JAKMIP1: variants seen among roughly 807,000 people sequenced by gnomAD.
JAKMIP1 encodes the protein janus kinase and microtubule interacting protein 1, also known as janus kinase and microtubule-interacting protein 1.
JAKMIP1 carries 33 observed loss-of-function variants against 113.0 expected under a neutral mutation model. The ratio of observed to expected loss-of-function variants is 0.29; its 90% CI spans 0.22 to 0.39. JAKMIP1 has a LOEUF of 0.39. Ranked by LOEUF, JAKMIP1 falls within the 10% of genes least tolerant of loss-of-function variation. The pLI is 1.00. For synonymous variants in JAKMIP1, 480 were observed against 459.9 expected (o/e 1.04, Z -0.56); for missense variants, 813 against 1,080.5 (o/e 0.75, Z 3.47).
chr4:6,177,988 T>C (rs2109034972), intron 1 of JAKMIP1, among the ~76,000 whole-genome samples: 1 of 152,310 alleles, frequency 6.6e-6, no homozygotes, highest in Non-Finnish European at 1.5e-5. Context: ...TGCATCCGGC[T>C]TCACTTCCGG....
intron 1 of JAKMIP1, among the ~76,000 whole-genome samples, chr4:6,182,614 G>C (rs750143771): frequency 2.6e-5 from 4 of 152,154 alleles, no homozygotes; most frequent in Non-Finnish European, 4.4e-5. Flanking sequence ...AGAACGGTGA[G>C]AAATAAGCTT....
intron 18 of JAKMIP1, among the ~76,000 whole-genome samples, chr4:6,037,835 G>A (rs1206232075): frequency 2.7e-5 from 4 of 150,142 alleles, no homozygotes; most frequent in South Asian, 2.1e-4. Context: ...CTCCATCACC[G>A]AGGCAGAGGC....
chr4:6,079,154 G>A (rs1408559983), intron 7 of JAKMIP1, among the ~76,000 whole-genome samples, 156 bp from the exon 8 acceptor site: 1 of 152,246 alleles, frequency 6.6e-6, no homozygotes, highest in Non-Finnish European at 1.5e-5. Flanking sequence ...TCTGAACTGA[G>A]AGCTACAGGG....
In JAKMIP1 at chr4:6,155,753, G is replaced by C. The variant is rs1722155818; in HGVS notation, c.-147-42756C>G. 6.6e-6 allele frequency among the ~76,000 whole-genome samples: 1 copy of C among 152,186 alleles called. No individual in the cohort carries two copies. The highest frequency in any genetic ancestry group is 2.4e-5 in the African/African-American group (1 of 41,448). ...AACGGGATATTATAGTGTCCTTTAA[G>C]CTGAAGCTCTATCATCTCAAATTTT... On this transcript the variant is annotated intron_variant, in intron 1 of 20. Transcript: ENST00000409021. The surrounding 1 kb of genome is among the most constrained non-coding windows in gnomAD (Gnocchi z 6.1).
intron 1 of JAKMIP1, among the ~76,000 whole-genome samples, chr4:6,182,034 C>T (rs1158992650): frequency 6.6e-6 from 1 of 151,984 alleles, no homozygotes; most frequent in African/African-American, 2.4e-5. Context: ...TGTTTATGTC[C>T]CCCCAAATTG....
In JAKMIP1 at chr4:6,086,761, G is replaced by A. The variant is rs1254691983; in HGVS notation, c.625-1132C>T. Among the ~76,000 whole-genome samples, 1 of 152,080 alleles carries A rather than the reference G, an allele frequency of 6.6e-6. No individual in the cohort carries two copies. Among genetic ancestry groups the A allele is most frequent in the African/African-American group, 2.4e-5 (1 of 41,422 alleles). ...CTGCAGGTGCAATTAGTTAAGATGA[G>A]GTCATCCTGGAGCAGGGTGGGCCCT... is the stretch of plus-strand genomic sequence containing the variant. On this transcript the variant is annotated intron_variant, in intron 3 of 20. Transcript: ENST00000409021. This position sits in a 1 kb window ranked among gnomAD's most constrained non-coding sequence, Gnocchi z 4.1.
chr4:6,122,119 C>T (rs984490381), intron 1 of JAKMIP1, among the ~76,000 whole-genome samples: 1 of 152,046 alleles, frequency 6.6e-6, no homozygotes, highest in Non-Finnish European at 1.5e-5. Flanking sequence ...CCGAGGCGGG[C>T]GGATCTCTTG....
At chr4:6,111,492 TG>T (rs775388985) in intron 2 of JAKMIP1, among the ~76,000 whole-genome samples, 13 of 152,232 alleles carry the variant, frequency 8.5e-5, no homozygotes, top group Non-Finnish European at 1.5e-5. Context: ...CAGATGTTGA[TG>T]GGGCTTTTTA....
rs1430831015 is a variant in JAKMIP1, at chr4:6,157,350, C to T, written c.-148+42903G>A. ...AGGCGCACGGGATGGGAAGCTGGCG[C>T]ACAACACAGGGTTGTCCCAAGAACC... On this transcript the variant is annotated intron_variant, in intron 1 of 20. Coordinates refer to ENST00000409021, the MANE Select transcript of JAKMIP1 (RefSeq NM_001099433.2). This position sits in a 1 kb window ranked among gnomAD's most constrained non-coding sequence, Gnocchi z 4.7. Among the ~76,000 whole-genome samples the T allele has an allele frequency of 1.3e-5, 2 of 152,130 alleles. No individual in the cohort carries two copies. Among genetic ancestry groups the T allele is most frequent in the Non-Finnish European group, 2.9e-5 (2 of 68,028 alleles).
Position 6,140,630 on chromosome 4 carries a change from T to G in JAKMIP1, c.-147-27633A>C, listed in dbSNP as rs1215977854. ...GCTCCTGGAGGGGTGGAGAAATACA[T>G]GATTTTGTTTATCTCCTTTTGATCT... On this transcript the variant is annotated intron_variant, in intron 1 of 20. Coordinates refer to ENST00000409021, the MANE Select transcript of JAKMIP1 (RefSeq NM_001099433.2). This position sits in a 1 kb window ranked among gnomAD's most constrained non-coding sequence, Gnocchi z 9.4. 6.6e-6 allele frequency among the ~76,000 whole-genome samples: 1 copy of G among 152,122 alleles called. No individual in the cohort carries two copies. Among genetic ancestry groups the G allele is most frequent in the East Asian group, 1.9e-4 (1 of 5,196 alleles).
At chr4:6,036,217 G>A in intron 18 of JAKMIP1, 110 bp from the exon 19 acceptor site, 1 of 862,242 alleles carries the variant, frequency 1.2e-6, no homozygotes, top group African/African-American at 1.7e-5. Flanking sequence ...TTTCGGGCAG[G>A]GAGGGGCAAC....
Position 6,186,385 on chromosome 4 carries a change from G to A in JAKMIP1, c.-148+13868C>T, listed in dbSNP as rs987065019. Among the ~76,000 whole-genome samples, 2 of 152,190 alleles carry A rather than the reference G, an allele frequency of 1.3e-5. No homozygotes were observed. Among genetic ancestry groups the A allele is most frequent in the African/African-American group, 4.8e-5 (2 of 41,442 alleles). ...TTTGCAAAGGCAAGTGAAGGGGCAA[G>A]CAGGAGTGATGGAGGATGAGACAGG... is the stretch of plus-strand genomic sequence containing the variant. On this transcript the variant is annotated intron_variant, in intron 1 of 20. Coordinates refer to ENST00000409021, the MANE Select transcript of JAKMIP1 (RefSeq NM_001099433.2). This position sits in a 1 kb window ranked among gnomAD's most constrained non-coding sequence, Gnocchi z 5.5.
chr4:6,079,982 A>C (rs750529790), intron 7 of JAKMIP1, among the ~76,000 whole-genome samples, 190 bp downstream of exon 7: 19 of 152,224 alleles, frequency 1.2e-4, no homozygotes, highest in Non-Finnish European at 2.8e-4. Context: ...ATTTAAGCCA[A>C]GGCTGCTTAG....
chr4:6,180,218 A>G lies in JAKMIP1; in HGVS notation c.-148+20035T>C, dbSNP rs866307515. Among the ~76,000 whole-genome samples the G allele has an allele frequency of 1.8e-4, 27 of 152,328 alleles. No homozygotes were observed. In the South Asian group the frequency reaches 3.1e-3, roughly 18 times the overall value. On this transcript the variant is annotated intron_variant, in intron 1 of 20. Coordinates refer to ENST00000409021, the MANE Select transcript of JAKMIP1 (RefSeq NM_001099433.2). The surrounding 1 kb of genome is among the most constrained non-coding windows in gnomAD (Gnocchi z 4.5). ...CACCAACTTCAATTCCCCACCAAAC[A>G]TACCCACAAACAGAAATAATTTCTG...
In JAKMIP1 at chr4:6,184,574, G is replaced by C; in HGVS notation, c.-148+15679C>G. On this transcript the variant is annotated intron_variant, in intron 1 of 20. Transcript: ENST00000409021. This position sits in a 1 kb window ranked among gnomAD's most constrained non-coding sequence, Gnocchi z 4.5. ...AGTGTGGGATGGGTGCTATATGGAC[G>C]GGAAGAGCTGCTGTCTGCACTCTAG... Among the ~76,000 whole-genome samples, 1 of 152,270 alleles carries C rather than the reference G, an allele frequency of 6.6e-6. No homozygotes were observed. The highest frequency in any genetic ancestry group is 1.9e-4 in the East Asian group (1 of 5,176).
chr4:6,161,553 G>A (rs1169175854), intron 1 of JAKMIP1, among the ~76,000 whole-genome samples: 1 of 147,734 alleles, frequency 6.8e-6, no homozygotes, highest in African/African-American at 2.5e-5. Flanking sequence ...AAACTCAGTG[G>A]AAAAAAAAAA....
intron 2 of JAKMIP1, among the ~76,000 whole-genome samples, chr4:6,111,692 C>T (rs565189072): frequency 6.6e-6 from 1 of 152,296 alleles, no homozygotes; most frequent in East Asian, 1.9e-4. Flanking sequence ...GTGCTCCTCC[C>T]CTCTGTGACA....
rs1435050829 is a variant in JAKMIP1 at position 6,106,521 on chromosome 4, C to CTCTCTT, written c.130-560_130-555dup. ...TCTTGGGAAGGAAGTAGCGTGCTCC[C>CTCTCTT]TCTCTTTCTCCCTCTCTCCTCTCTC... On this transcript the variant is annotated intron_variant, in intron 2 of 20. Coordinates refer to ENST00000409021, the MANE Select transcript of JAKMIP1 (RefSeq NM_001099433.2). The surrounding 1 kb of genome is among the most constrained non-coding windows in gnomAD (Gnocchi z 5.9). 6.7e-6 allele frequency among the ~76,000 whole-genome samples: 1 copy of CTCTCTT among 149,638 alleles called. No homozygotes were observed. The highest frequency in any genetic ancestry group is 1.5e-5 in the Non-Finnish European group (1 of 67,520).
rs1281930337 is a variant in JAKMIP1, at chr4:6,108,684, G to A, written c.130-2717C>T. Among the ~76,000 whole-genome samples, 4 of 152,158 alleles carry A rather than the reference G, an allele frequency of 2.6e-5. No homozygotes were observed. Among genetic ancestry groups the A allele is most frequent in the Admixed American group, 2.6e-4 (4 of 15,280 alleles). On this transcript the variant is annotated intron_variant, in intron 2 of 20. Coordinates refer to ENST00000409021, the MANE Select transcript of JAKMIP1 (RefSeq NM_001099433.2). The surrounding 1 kb of genome is among the most constrained non-coding windows in gnomAD (Gnocchi z 5.6). ...ATGCTCAAAGCCCTCTAAATCTCAT[G>A]GGTACCAGTTCACTACTCTGAAACC...
Sources: allele counts gnomAD v4.1 joint callset (sites outside exome capture counted in the v4.1 genomes callset), GRCh38; gene constraint gnomAD v4.1.1; non-coding constraint Gnocchi (gnomAD v3.1); transcripts MANE v1.5; gene names NCBI Gene and HGNC (gene_info 2026-07-23, HGNC 2026-07-21).